SPON1: variants seen among roughly 807,000 people sequenced by gnomAD.
SPON1 encodes the protein spondin 1.
SPON1 carries 52 observed loss-of-function variants against 111.7 expected under a neutral mutation model. That is an observed-to-expected ratio of 0.47 (90% CI 0.37 to 0.59). SPON1 has a LOEUF of 0.59. Ranked by LOEUF, SPON1 falls within the 20% of genes least tolerant of loss-of-function variation. The pLI is 0.00. For missense variants in SPON1, 957 were observed against 1,068.5 expected (o/e 0.90, Z 1.46); for synonymous variants, 410 against 395.8 (o/e 1.04, Z -0.43).
chr11:14,173,547 C>T (rs750018247), intron 6 of SPON1, among the ~76,000 whole-genome samples: 9 of 152,146 alleles, frequency 5.9e-5, no homozygotes, highest in Non-Finnish European at 1.3e-4. Context: ...GAGCTGCGTT[C>T]CTTTGGAGGA....
chr11:14,262,561 T>G, intron 14 of SPON1, 151 bp from the exon 15 acceptor site: 1 of 1,060,928 alleles, frequency 9.4e-7, no homozygotes, highest in Non-Finnish European at 1.3e-6. Context: ...TCAGCCTGCC[T>G]CTTTGGAGCC....
intron 6 of SPON1, among the ~76,000 whole-genome samples, chr11:14,181,072 C>A (rs12796665): frequency 0.39 from 59,954 of 151,962 alleles, 12,009 homozygotes; most frequent in East Asian, 0.55. Context: ...TGGCCATCAG[C>A]CCGAAGACAC....
At chr11:14,152,567 C>T (rs2133869032) in intron 6 of SPON1, among the ~76,000 whole-genome samples, 1 of 152,298 alleles carries the variant, frequency 6.6e-6, no homozygotes, top group Non-Finnish European at 1.5e-5. Flanking sequence ...GGAAACACAT[C>T]TGATTCTTAC....
chr11:14,240,589 TTGTGTGTGTGTGTGTGTGTGTGTG>T (rs56265194), intron 6 of SPON1, among the ~76,000 whole-genome samples: 2 of 140,252 alleles, frequency 1.4e-5, no homozygotes, highest in Non-Finnish European at 3.1e-5. Context: ...AGAAGCAATA[TTGTGTGTGTGTGTGTGTGTGTGTG>T]TGTGTGTGTG....
chr11:14,097,904 GGTAT>G (rs1849114160), intron 5 of SPON1, among the ~76,000 whole-genome samples: 1 of 152,066 alleles, frequency 6.6e-6, no homozygotes, highest in African/African-American at 2.4e-5. Context: ...TCACTGACAA[GGTAT>G]GATGTTGACT....
rs782617859 is a variant in SPON1 at position 14,067,465 on chromosome 11, C to A, written c.480-7880C>A. ...TTTCAGCAGCTAAATGATGTCAAGG[C>A]CAGTGTCTTTGTGATTCTTCTTGGC... On this transcript the variant is annotated intron_variant, in intron 3 of 15. Transcript: ENST00000576479. Among the ~76,000 whole-genome samples, 42 of 152,182 alleles carry A rather than the reference C, an allele frequency of 2.8e-4. 1 individual carries two copies. The highest frequency in any genetic ancestry group is 1.0e-4 in the Non-Finnish European group (7 of 68,026).
intron 10 of SPON1, among the ~76,000 whole-genome samples, chr11:14,257,270 T>C (rs934370982): frequency 2.6e-5 from 4 of 152,218 alleles, no homozygotes; most frequent in Non-Finnish European, 4.4e-5. Context: ...TGTAAGGCTC[T>C]TAGAATGGTG....
chr11:14,085,808 TTC>T (rs1425499975), intron 5 of SPON1, among the ~76,000 whole-genome samples: 2 of 152,206 alleles, frequency 1.3e-5, no homozygotes, highest in Non-Finnish European at 2.9e-5. Context: ...TTTGTTTGTG[TTC>T]TCTCTTATTT....
chr11:14,240,780 A>G (rs956901691), intron 6 of SPON1, among the ~76,000 whole-genome samples: 14 of 152,180 alleles, frequency 9.2e-5, no homozygotes, highest in Admixed American at 8.5e-4. Flanking sequence ...TTCTAGTGAA[A>G]TATTTCTTCA....
At chr11:14,142,861 C>A (rs1847672207) in intron 6 of SPON1, among the ~76,000 whole-genome samples, 1 of 152,198 alleles carries the variant, frequency 6.6e-6, no homozygotes, top group Admixed American at 6.5e-5. Context: ...AGTACAAAAA[C>A]CCTCACGAAA....
chr11:14,259,294 A>T lies in SPON1; in HGVS notation c.1507A>T (p.Thr503Ser). 4 of 1,612,232 alleles carry T rather than the reference A, an allele frequency of 2.5e-6. No individual in the cohort carries two copies. The highest frequency in any genetic ancestry group is 3.4e-6 in the Non-Finnish European group (4 of 1,179,376). The change falls in exon 12 of 16, where the codon ACC (threonine) becomes TCC (serine). Residue 503 changes from threonine to serine, a missense_variant. Physicochemically the swap from Thr to Ser is moderately conservative, Grantham distance 58. Transcript: ENST00000576479. This position sits in a 1 kb window ranked among gnomAD's most constrained non-coding sequence, Gnocchi z 5.0. ...GTGTGTTGCAGACGGCTCCACCTGC[A>T]CCATGTCCGAGTGGATCACCTGGTC... ...GCSDEDGSTC[T>S]MSEWITWSPC...
chr11:14,100,818 A>G (rs1554924314), intron 5 of SPON1, among the ~76,000 whole-genome samples: 1 of 152,182 alleles, frequency 6.6e-6, no homozygotes, highest in Admixed American at 6.5e-5. Flanking sequence ...AAGGCCTTAT[A>G]TGCCTGAGAA....
intron 5 of SPON1, among the ~76,000 whole-genome samples, chr11:14,123,812 CAAGA>C (rs1436100414): frequency 6.6e-6 from 1 of 152,244 alleles, no homozygotes; most frequent in East Asian, 1.9e-4. Flanking sequence ...GCACCACAAA[CAAGA>C]AAGTGTCTGT....
intron 1 of SPON1, among the ~76,000 whole-genome samples, chr11:13,980,332 C>T (rs532721893): frequency 6.6e-6 from 1 of 152,310 alleles, no homozygotes; most frequent in East Asian, 1.9e-4. Flanking sequence ...TGAGCTGCCG[C>T]GCCTAGCCCC....
intron 5 of SPON1, among the ~76,000 whole-genome samples, chr11:14,086,692 T>G (rs879981887): frequency 6.6e-6 from 1 of 152,216 alleles, no homozygotes; most frequent in Non-Finnish European, 1.5e-5. Context: ...CGTCTTTTTC[T>G]GTTGTTTGGA....
chr11:14,101,126 G>T (rs977820563), intron 5 of SPON1, among the ~76,000 whole-genome samples: 1 of 152,036 alleles, frequency 6.6e-6, no homozygotes, highest in Non-Finnish European at 1.5e-5. Flanking sequence ...TCGGCTGGGC[G>T]CAGTGGCTAA....
intron 6 of SPON1, among the ~76,000 whole-genome samples, chr11:14,235,198 G>C (rs1255179120): frequency 4.6e-5 from 7 of 152,218 alleles, no homozygotes; most frequent in Non-Finnish European, 1.5e-5. Context: ...GGTCCAGGGA[G>C]TGCCCACGGA....
intron 6 of SPON1, among the ~76,000 whole-genome samples, chr11:14,222,667 G>GA (rs1484992635): frequency 3.9e-5 from 6 of 152,224 alleles, no homozygotes; most frequent in African/African-American, 1.4e-4. Context: ...CATCAGGTCG[G>GA]AAAAATACCT....
intron 7 of SPON1, among the ~76,000 whole-genome samples, chr11:14,243,922 C>G (rs1473486831): frequency 6.6e-6 from 1 of 152,198 alleles, no homozygotes; most frequent in African/African-American, 2.4e-5. Flanking sequence ...GTATATCCGT[C>G]AGGTTTTTGG....
Sources: allele counts gnomAD v4.1 joint callset (sites outside exome capture counted in the v4.1 genomes callset), GRCh38; gene constraint gnomAD v4.1.1; non-coding constraint Gnocchi (gnomAD v3.1); transcripts MANE v1.5; gene names NCBI Gene and HGNC (gene_info 2026-07-23, HGNC 2026-07-21).